GRB10: variants seen among roughly 807,000 people sequenced by gnomAD.
The protein encoded by GRB10 is growth factor receptor bound protein 10.
Under a neutral mutation model 80.9 loss-of-function variants are expected in GRB10, and 20 were observed. The observed-to-expected ratio is 0.25, with a 90% CI of 0.17 to 0.36. The LOEUF (loss-of-function observed/expected upper bound fraction) is 0.36. Among genes scored for constraint, GRB10 ranks in the 10% least tolerant of loss-of-function variants. The probability of loss-of-function intolerance (pLI) is 1.00; values close to 1 mark genes in which losing one functional copy is unlikely to be tolerated. For synonymous variants in GRB10, 291 were observed against 291.5 expected, an observed-to-expected ratio of 1.00 and a Z score of 0.02; for missense variants, 548 against 747.7, an observed-to-expected ratio of 0.73 and a Z score of 3.12.
intron 4 of GRB10, among the ~76,000 whole-genome samples, chr7:50,706,473 C>T (rs1304751143): frequency 6.6e-6 from 1 of 152,204 alleles, no homozygotes; most frequent in Non-Finnish European, 1.5e-5. Context: ...TACACACAGT[C>T]AAACTCTTCT....
intron 7 of GRB10, among the ~76,000 whole-genome samples, chr7:50,637,808 T>C (rs1018593000): frequency 1.3e-5 from 2 of 149,812 alleles, no homozygotes. Flanking sequence ...TCAAATTACA[T>C]GGCTCAAGGA....
At chr7:50,771,737 G>A (rs559598787) in intron 2 of GRB10, among the ~76,000 whole-genome samples, 1 of 152,286 alleles carries the variant, frequency 6.6e-6, no homozygotes, top group East Asian at 1.9e-4. Flanking sequence ...ATGAACCCCA[G>A]GCCTCCCCAC....
intron 2 of GRB10, among the ~76,000 whole-genome samples, chr7:50,777,433 C>T (rs1330814712): frequency 6.9e-6 from 1 of 145,538 alleles, no homozygotes; most frequent in South Asian, 2.1e-4. Context: ...TCTGTATACA[C>T]ACACACACAC....
chr7:50,718,151 G>A (rs2067174484), intron 4 of GRB10, among the ~76,000 whole-genome samples: 1 of 152,192 alleles, frequency 6.6e-6, no homozygotes, highest in African/African-American at 2.4e-5. Flanking sequence ...GTGTCCAGCA[G>A]GAAGGAAGAA....
chr7:50,734,135 C>A (rs1294365257), intron 3 of GRB10, among the ~76,000 whole-genome samples: 1 of 152,140 alleles, frequency 6.6e-6, no homozygotes, highest in African/African-American at 2.4e-5. Flanking sequence ...TCACCCCTAG[C>A]CGTTGAGGTG....
intron 6 of GRB10, among the ~76,000 whole-genome samples, chr7:50,672,894 A>C (rs2060509344): frequency 6.6e-6 from 1 of 152,336 alleles, no homozygotes; most frequent in South Asian, 2.1e-4. Context: ...TTCAAAGAGC[A>C]AAGTTGAACA....
chr7:50,780,448 T>C (rs754698634), intron 2 of GRB10, among the ~76,000 whole-genome samples, 179 bp downstream of exon 2: 10 of 152,168 alleles, frequency 6.6e-5, no homozygotes, highest in Non-Finnish European at 1.5e-5. Context: ...CAGGAGCTGC[T>C]AACTTTCTAA....
intron 5 of GRB10, among the ~76,000 whole-genome samples, chr7:50,697,861 G>C (rs2063648736): frequency 6.6e-6 from 1 of 152,172 alleles, no homozygotes; most frequent in Admixed American, 6.5e-5. Flanking sequence ...TTTGTACCCA[G>C]TGCCAGGGAG....
At chr7:50,742,267 GCGCGCACA>G (rs1162039372) in intron 3 of GRB10, among the ~76,000 whole-genome samples, 659 of 30,948 alleles carry the variant, frequency 0.021, 5 homozygotes, top group South Asian at 0.056. Flanking sequence ...GCGCACGCGC[GCGCGCACA>G]CACACACACA....
intron 1 of GRB10, chr7:50,792,823 G>A (rs1380423449): frequency 6.4e-6 from 1 of 156,612 alleles, no homozygotes; most frequent in Non-Finnish European, 1.4e-5. Context: ...CGGCCCCCAG[G>A]AGCGCGGCCT....
intron 4 of GRB10, among the ~76,000 whole-genome samples, chr7:50,707,592 T>C (rs551551621): frequency 4.6e-5 from 7 of 152,350 alleles, no homozygotes; most frequent in Non-Finnish European, 8.8e-5. Flanking sequence ...TATTAAAACA[T>C]CTCATCTGAA....
intron 5 of GRB10, among the ~76,000 whole-genome samples, chr7:50,683,769 A>G (rs2153651477): frequency 6.6e-6 from 1 of 151,812 alleles, no homozygotes; most frequent in Non-Finnish European, 1.5e-5. Context: ...AAAATAAAAA[A>G]TAATGGTAAG....
chr7:50,708,758 C>T (rs2065415954), intron 4 of GRB10, among the ~76,000 whole-genome samples: 1 of 149,172 alleles, frequency 6.7e-6, no homozygotes, highest in Admixed American at 6.7e-5. Flanking sequence ...TCACTGCAAT[C>T]TCCACCTCCT....
At chr7:50,792,631 C>T in intron 1 of GRB10, 1 of 396,760 alleles carries the variant, frequency 2.5e-6, no homozygotes, top group Admixed American at 4.4e-5. Context: ...CGGCGGCTAA[C>T]GGGTCACCAA....
At chr7:50,776,112 A>C (rs2077607701) in intron 2 of GRB10, among the ~76,000 whole-genome samples, 1 of 152,048 alleles carries the variant, frequency 6.6e-6, no homozygotes, top group African/African-American at 2.4e-5. Context: ...ATCCATACTA[A>C]TCTCCTTATC....
Position 50,619,188 on chromosome 7 carries a change from C to T in GRB10, c.759G>A (p.Glu253=). 2 of 1,604,778 alleles carry T rather than the reference C, an allele frequency of 1.2e-6. No homozygotes were observed. The highest frequency in any genetic ancestry group is 1.7e-6 in the Non-Finnish European group (2 of 1,171,452). ...GACTCACCATGGGATTTTTAAAGAA[C>T]TCGTATTTTGCGTAATTCTTCCTGA... ...FLFRKNYAKY[E]FFKNPMNFFP... The change falls in exon 9 of 19, where the codon GAG becomes GAA. Residue 253 remains glutamate (E), a synonymous_variant. Transcript: ENST00000401949.
intron 7 of GRB10, among the ~76,000 whole-genome samples, chr7:50,669,415 G>A (rs1268325217): frequency 1.3e-5 from 2 of 152,086 alleles, no homozygotes; most frequent in African/African-American, 4.8e-5. Flanking sequence ...ACCAGATCTC[G>A]TGAGAACTTA....
rs1381920382 is a variant in GRB10 at position 50,666,243 on chromosome 7, G to C, written c.504+3479C>G. ...TCTGTCACCATCGTGCTAAGCTCACGAGAGCAGGGCCCACTTTGCGGTCAA... is the reference window on the plus strand; with the variant it reads ...TCTGTCACCATCGTGCTAAGCTCACCAGAGCAGGGCCCACTTTGCGGTCAA... On this transcript the variant is annotated intron_variant, in intron 7 of 18. Coordinates refer to ENST00000401949, the MANE Select transcript of GRB10 (RefSeq NM_001350814.2). 1.3e-5 allele frequency among the ~76,000 whole-genome samples: 2 copies of C among 152,194 alleles called. 1 individual carries two copies. Among genetic ancestry groups the C allele is most frequent in the South Asian group, 4.1e-4 (2 of 4,834 alleles).
chr7:50,655,215 C>G (rs1439592664), intron 7 of GRB10, among the ~76,000 whole-genome samples: 7 of 152,170 alleles, frequency 4.6e-5, no homozygotes, highest in African/African-American at 1.7e-4. Flanking sequence ...AGCTCAGGAG[C>G]CACACAATGC....
Sources: gnomAD v4.1 joint callset for allele counts (sites outside exome capture counted in the v4.1 genomes callset) on GRCh38, gnomAD v4.1.1 for gene constraint, MANE v1.5 for transcripts, NCBI Gene and HGNC (gene_info 2026-07-23, HGNC 2026-07-21) for gene names.